ESR1: variants seen among roughly 807,000 people sequenced by gnomAD.
The protein encoded by ESR1 is estrogen receptor.
ESR1 carries 12 observed loss-of-function variants against 52.7 expected under a neutral mutation model. The observed-to-expected ratio is 0.23, with a 90% CI of 0.15 to 0.37. The LOEUF is 0.37. ESR1 is among the 10% of genes least tolerant of loss of function. The pLI, the probability that ESR1 is intolerant of heterozygous loss-of-function variation, is 1.00. For missense variants in ESR1, 584 were observed against 779.7 expected (o/e 0.75, Z 2.99); for synonymous variants, 305 against 316.8 (o/e 0.96, Z 0.39).
intron 3 of ESR1, among the ~76,000 whole-genome samples, chr6:151,931,523 A>G (rs1029422251): frequency 6.6e-6 from 1 of 151,442 alleles, no homozygotes; most frequent in African/African-American, 2.4e-5. Flanking sequence ...ACATATGTAT[A>G]CATGTGCCAT....
chr6:152,029,722 A>G (rs375074696), intron 5 of ESR1, among the ~76,000 whole-genome samples: 3 of 152,226 alleles, frequency 2.0e-5, no homozygotes, highest in African/African-American at 7.2e-5. Context: ...ACTCTGCAGG[A>G]TATTATCCAG....
intron 3 of ESR1, among the ~76,000 whole-genome samples, chr6:151,926,401 G>A (rs1584269372): frequency 6.6e-6 from 1 of 152,034 alleles, no homozygotes; most frequent in East Asian, 1.9e-4. Context: ...TTTGGATTTA[G>A]ATTACTCTGA....
intron 2 of ESR1, among the ~76,000 whole-genome samples, chr6:151,717,815 T>A (rs1021841951): frequency 2.6e-5 from 4 of 152,174 alleles, no homozygotes; most frequent in African/African-American, 7.2e-5. Context: ...ATTAATAAAA[T>A]TTAAGAATGA....
chr6:151,807,813 C>G lies in ESR1; in HGVS notation c.-100C>G, dbSNP rs1238034836. The G allele has an allele frequency of 9.0e-7, 1 of 1,107,718 alleles. No homozygotes were observed. The highest frequency in any genetic ancestry group is 2.6e-5 in the East Asian group (1 of 39,184). 68.6% of individuals were successfully genotyped at this position (1,107,718 alleles called of 1,614,324 possible). ...GTCGGCGGGACATGCGCTGCGTCGCCTCTAACCTCGGGCTGTGCTCTTTTT... is the reference window on the plus strand; with the variant it reads ...GTCGGCGGGACATGCGCTGCGTCGCGTCTAACCTCGGGCTGTGCTCTTTTT... On this transcript the variant is annotated 5_prime_UTR_variant, in exon 1 of 8. Coordinates refer to ENST00000206249, the MANE Select transcript of ESR1 (RefSeq NM_000125.4).
chr6:151,858,276 C>T (rs1788241078), intron 2 of ESR1, among the ~76,000 whole-genome samples: 1 of 152,166 alleles, frequency 6.6e-6, no homozygotes. Context: ...AATAGAGTAC[C>T]ACCAGGAATC....
intron 2 of ESR1, among the ~76,000 whole-genome samples, chr6:151,765,280 T>C (rs1178704645): frequency 6.6e-6 from 1 of 152,192 alleles, no homozygotes; most frequent in African/African-American, 2.4e-5. Flanking sequence ...TTGAAAAAAA[T>C]AGATTCAGAC....
rs75551384 is a variant in ESR1, at chr6:151,875,465, C to T, written c.644-5190C>T. Among the ~76,000 whole-genome samples, 1,021 of 152,220 alleles carry T rather than the reference C, an allele frequency of 6.7e-3. 10 individuals carry two copies. Among genetic ancestry groups the T allele is most frequent in the Non-Finnish European group, 0.01 (711 of 68,012 alleles). On this transcript the variant is annotated intron_variant, in intron 2 of 7. Coordinates refer to ENST00000206249, the MANE Select transcript of ESR1 (RefSeq NM_000125.4). Reference sequence around the variant, plus strand: ...GATATTGGATACTTGTTGAGCTCCACTATGTGTGTGAGAATGCGCTGGGCT... The same window carrying T: ...GATATTGGATACTTGTTGAGCTCCATTATGTGTGTGAGAATGCGCTGGGCT...
At chr6:151,751,007 A>G (rs1783862982) in intron 2 of ESR1, among the ~76,000 whole-genome samples, 1 of 152,230 alleles carries the variant, frequency 6.6e-6, no homozygotes, top group Non-Finnish European at 1.5e-5. Context: ...TAAATAGCGT[A>G]AGAGTCTGAG....
chr6:151,766,463 C>G (rs185733804), intron 2 of ESR1, among the ~76,000 whole-genome samples: 2 of 151,186 alleles, frequency 1.3e-5, no homozygotes, highest in Non-Finnish European at 2.9e-5. Context: ...CCTGGGTGAT[C>G]GAGTGAGACC....
intron 6 of ESR1, chr6:152,125,250 C>A (rs919407853): frequency 6.5e-7 from 1 of 1,549,272 alleles, no homozygotes; most frequent in Non-Finnish European, 8.7e-7. Context: ...TAATTCAGGT[C>A]GTATTCATTT....
intron 2 of ESR1, among the ~76,000 whole-genome samples, chr6:151,784,782 A>T (rs1034103128): frequency 1.2e-4 from 18 of 152,092 alleles, no homozygotes; most frequent in African/African-American, 4.3e-4. Flanking sequence ...CAGTTTCCCC[A>T]TGAGTGCTCC....
chr6:152,024,895 G>A (rs1431765011), intron 5 of ESR1, among the ~76,000 whole-genome samples: 1 of 150,610 alleles, frequency 6.6e-6, no homozygotes, highest in Non-Finnish European at 1.5e-5. Context: ...AAGTCCATGG[G>A]GTTTCCTAGT....
intron 2 of ESR1, among the ~76,000 whole-genome samples, chr6:151,788,409 C>G (rs1281622569): frequency 1.3e-5 from 2 of 152,188 alleles, no homozygotes; most frequent in Non-Finnish European, 2.9e-5. Flanking sequence ...GAGATACCAT[C>G]TCACACCAAT....
At chr6:152,106,808 G>A (rs2051072379), downstream of ESR1, among the ~76,000 whole-genome samples, 2 of 152,064 alleles carry the variant, frequency 1.3e-5, no homozygotes, top group African/African-American at 4.8e-5. Flanking sequence ...GTCTCATTAT[G>A]TTGCCCAGGC....
intron 4 of ESR1, among the ~76,000 whole-genome samples, chr6:151,949,625 G>A (rs867167662): frequency 6.6e-6 from 1 of 152,254 alleles, no homozygotes; most frequent in Non-Finnish European, 1.5e-5. Context: ...GCCCTAGCAG[G>A]CATGATGGCA....
chr6:151,754,420 C>T (rs1784128977), intron 2 of ESR1, among the ~76,000 whole-genome samples: 1 of 151,158 alleles, frequency 6.6e-6, no homozygotes, highest in South Asian at 2.1e-4. Context: ...AAAGGACAAT[C>T]GGAAATGATA....
At position 151,821,180 on chromosome 6, in the gene ESR1, C is replaced by T. The variant is rs574940032; in HGVS notation, c.452+12816C>T. 6.7e-3 allele frequency among the ~76,000 whole-genome samples: 989 copies of T among 147,384 alleles called. 9 individuals are homozygous for T. Among genetic ancestry groups the T allele is most frequent in the African/African-American group, 0.024 (923 of 38,466 alleles). ...CTCACACCTAATAGATGGAGGCATG[C>T]CCAGTTCCTGTTCACCGAGGGCATC... is the stretch of plus-strand genomic sequence containing the variant. On this transcript the variant is annotated intron_variant, in intron 1 of 7. Transcript: ENST00000206249.
chr6:151,729,736 G>A (rs541867072), intron 2 of ESR1, among the ~76,000 whole-genome samples: 5 of 152,198 alleles, frequency 3.3e-5, no homozygotes, highest in African/African-American at 7.2e-5. Flanking sequence ...ATTTGCCCAA[G>A]GTTATAGAAT....
intron 6 of ESR1, among the ~76,000 whole-genome samples, chr6:152,086,015 A>T (rs67933127): frequency 0.11 from 17,222 of 152,214 alleles, 1,220 homozygotes; most frequent in East Asian, 0.33. Flanking sequence ...AGGGAAACAA[A>T]TGTATCCAGG....
Sources: gnomAD v4.1 joint callset for allele counts (sites outside exome capture counted in the v4.1 genomes callset) on GRCh38, gnomAD v4.1.1 for gene constraint, MANE v1.5 for transcripts, NCBI Gene and HGNC (gene_info 2026-07-23, HGNC 2026-07-21) for gene names.